TTK: variants seen among roughly 807,000 people sequenced by gnomAD.
TTK encodes the protein dual specificity protein kinase TTK.
TTK carries 59 observed loss-of-function variants against 117.3 expected under a neutral mutation model. The ratio of observed to expected loss-of-function variants is 0.50; its 90% CI spans 0.41 to 0.62. TTK has a LOEUF of 0.62. TTK is among the 20% of genes least tolerant of loss of function. The pLI is 0.00. For missense variants in TTK, 921 were observed against 989.4 expected (o/e 0.93, Z 0.93); for synonymous variants, 302 against 325.0 (o/e 0.93, Z 0.76).
Position 80,035,048 on chromosome 6 carries a change from G to A in TTK, c.1678G>A (p.Ala560Thr), listed in dbSNP as rs532047071. ...YAIKYVNLEEADNQTLDSYRN... is the reference protein window; with the variant it reads ...YAIKYVNLEETDNQTLDSYRN... ...TATAAAATATGTGAACTTAGAAGAA[G>A]CAGATAACCAAACTCTTGATAGTTA... The change falls in exon 15 of 22, where the codon GCA (alanine) becomes ACA (threonine). Residue 560 changes from alanine (A) to threonine (T), a missense_variant. Coordinates refer to ENST00000369798, the MANE Select transcript of TTK (RefSeq NM_003318.5). 1.7e-5 allele frequency: 28 copies of A among 1,602,088 alleles called. No homozygotes were observed. In the South Asian group the frequency reaches 3.0e-4, roughly 17 times the overall value.
rs563072461 is a variant in TTK, at chr6:80,022,150, G to T, written c.1109-174G>T. On this transcript the variant is annotated intron_variant, in intron 10 of 21. Transcript: ENST00000369798. ...GACTATAGTGCAACTTTGTGAAATT[G>T]ACTTGCTAAAAGCAAATTGTTAAGC... Among the ~76,000 whole-genome samples, 4 of 152,260 alleles carry T rather than the reference G, an allele frequency of 2.6e-5. No homozygotes were observed. In the South Asian group the frequency reaches 6.2e-4, roughly 24 times the overall value.
At chr6:80,014,616 T>G (rs1562013919) in intron 10 of TTK, 30 bp downstream of exon 10, 1 of 1,556,690 alleles carries the variant, frequency 6.4e-7, no homozygotes, top group Non-Finnish European at 8.7e-7. Flanking sequence ...TAGACTTGTA[T>G]GTTTAGTTAA....
At chr6:80,007,232 AT>A (rs1767017587) in intron 2 of TTK, among the ~76,000 whole-genome samples, 1 of 152,128 alleles carries the variant, frequency 6.6e-6, no homozygotes, top group Admixed American at 6.5e-5. Context: ...TCTAGCAGAA[AT>A]TTAGGTTACT....
chr6:80,034,041 G>T (rs1323585772), intron 14 of TTK, among the ~76,000 whole-genome samples: 4 of 151,958 alleles, frequency 2.6e-5, no homozygotes, highest in Non-Finnish European at 4.4e-5. Context: ...TAAGTCAAGG[G>T]CCAAGTGATA....
intron 10 of TTK, 105 bp downstream of exon 10, chr6:80,014,691 C>CTA: frequency 8.4e-7 from 1 of 1,187,692 alleles, no homozygotes; most frequent in Non-Finnish European, 1.1e-6. Context: ...GAAACTGTGT[C>CTA]TATGTTCTTT....
At chr6:80,034,495 CTTT>C (rs1767841713) in intron 14 of TTK, among the ~76,000 whole-genome samples, 1 of 152,064 alleles carries the variant, frequency 6.6e-6, no homozygotes, top group South Asian at 2.1e-4. Flanking sequence ...TCATCCTTAA[CTTT>C]TTTATTTTTC....
At chr6:80,019,061 C>A (rs1420788386) in intron 10 of TTK, among the ~76,000 whole-genome samples, 2 of 152,068 alleles carry the variant, frequency 1.3e-5, no homozygotes, top group African/African-American at 4.8e-5. Context: ...TTTTTTATCT[C>A]CTTTGTCTAT....
chr6:80,017,622 T>G (rs971567733), intron 10 of TTK, among the ~76,000 whole-genome samples: 1 of 152,216 alleles, frequency 6.6e-6, no homozygotes, highest in African/African-American at 2.4e-5. Context: ...TATCTGTCAG[T>G]GTAAATTTTT....
At chr6:80,027,050 T>A (rs1376851765) in intron 12 of TTK, among the ~76,000 whole-genome samples, 1 of 152,068 alleles carries the variant, frequency 6.6e-6, no homozygotes, top group African/African-American at 2.4e-5. Flanking sequence ...ACACAAGGGA[T>A]ACTACAAAAG....
chr6:80,036,700 C>T (rs576605312), intron 17 of TTK, 101 bp downstream of exon 17: 8 of 1,248,838 alleles, frequency 6.4e-6, no homozygotes, highest in Non-Finnish European at 8.5e-6. Flanking sequence ...TCACCTCATT[C>T]TTCAAAGGAT....
chr6:80,014,383 G>T, intron 9 of TTK, 80 bp from the exon 10 acceptor site: 2 of 1,304,302 alleles, frequency 1.5e-6, no homozygotes, highest in Non-Finnish European at 2.0e-6. Context: ...GTATAGATAA[G>T]ACTTTAGTAT....
At chr6:80,029,426 TA>T (rs747279414) in intron 13 of TTK, among the ~76,000 whole-genome samples, 2 of 152,244 alleles carry the variant, frequency 1.3e-5, no homozygotes, top group Non-Finnish European at 2.9e-5. Context: ...ATTGAAACAA[TA>T]TAATAAATTA....
chr6:80,038,099 A>G, intron 18 of TTK, 52 bp downstream of exon 18: 2 of 1,353,294 alleles, frequency 1.5e-6, no homozygotes, highest in South Asian at 2.5e-5. Context: ...TAGGGAATGC[A>G]CTATTTTCTG....
At chr6:80,013,156 TAA>T (rs1767205551) in intron 8 of TTK, 121 bp from the exon 9 acceptor site, 1 of 767,774 alleles carries the variant, frequency 1.3e-6, no homozygotes, top group Non-Finnish European at 2.1e-6. Context: ...AATGTCTTTT[TAA>T]GAGATTTTTT....
intron 18 of TTK, among the ~76,000 whole-genome samples, chr6:80,038,608 C>T (rs1582116117): frequency 6.6e-6 from 1 of 152,084 alleles, no homozygotes; most frequent in South Asian, 2.1e-4. Flanking sequence ...ATATAAAGTA[C>T]TTAGTACATT....
chr6:80,039,906 TAAAAG>T (rs1387037795), intron 19 of TTK, 34 bp downstream of exon 19: 3 of 1,396,012 alleles, frequency 2.1e-6, no homozygotes, highest in African/African-American at 1.5e-5. Flanking sequence ...ATTATTTACT[TAAAAG>T]AAATAGTTGA....
In TTK at chr6:80,028,009, C is replaced by T. The variant is rs1767650829; in HGVS notation, c.1519C>T (p.Gln507Ter). ...QILATPLQNLQVLASSSANEC... is the reference protein window; with the variant it reads ...QILATPLQNL ...ACTTGCCACTCCACTTCAAAATTTA[C>T]AGGTTCGATAAGCTTTATATATGAT... The change falls in exon 13 of 22, where the codon CAG becomes TAG. Residue 507 changes from glutamine (Q) to a stop codon, truncating the protein, a stop_gained and splice_region_variant. Coordinates refer to ENST00000369798, the MANE Select transcript of TTK (RefSeq NM_003318.5). LOFTEE classifies it high-confidence loss of function. 1 of 1,598,284 alleles carries T rather than the reference C, an allele frequency of 6.3e-7. No individual in the cohort carries two copies. Among genetic ancestry groups the T allele is most frequent in the Non-Finnish European group, 8.5e-7 (1 of 1,172,534 alleles).
At chr6:80,010,714 T>C (rs1767118622) in intron 4 of TTK, 100 bp from the exon 5 acceptor site, 4 of 1,253,802 alleles carry the variant, frequency 3.2e-6, no homozygotes, top group Non-Finnish European at 4.3e-6. Flanking sequence ...CTTAAGTCTT[T>C]TTGATTTTTT....
chr6:80,025,102 T>C (rs2127677016), intron 11 of TTK, among the ~76,000 whole-genome samples: 1 of 152,336 alleles, frequency 6.6e-6, no homozygotes, highest in East Asian at 1.9e-4. Flanking sequence ...TCCTTAATTT[T>C]ACTTTAGCCA....
Sources: allele counts gnomAD v4.1 joint callset (sites outside exome capture counted in the v4.1 genomes callset), GRCh38; gene constraint gnomAD v4.1.1; transcripts MANE v1.5; gene names NCBI Gene and HGNC (gene_info 2026-07-23, HGNC 2026-07-21).